Variants in ADGRB3 observed in about 807,000 individuals in gnomAD.
The protein encoded by ADGRB3 is adhesion G protein-coupled receptor B3, also known as brain-specific angiogenesis inhibitor 3.
A neutral mutation model predicts 193.4 loss-of-function variants in ADGRB3; 37 were observed. The ratio of observed to expected loss-of-function variants is 0.19; its 90% confidence interval spans 0.15 to 0.25. The LOEUF (loss-of-function observed/expected upper bound fraction) is 0.25. ADGRB3 is among the 10% of genes least tolerant of loss of function. The pLI is 1.00. For missense variants in ADGRB3, 1,637 were observed against 1,852.9 expected (o/e 0.88, Z 2.14); for synonymous variants, 690 against 644.2 (o/e 1.07, Z -1.08).
chr6:68,883,407 G>C lies in ADGRB3; in HGVS notation c.758-47152G>C, dbSNP rs150265206. Among the ~76,000 whole-genome samples the C allele has an allele frequency of 8.4e-4, 128 of 152,278 alleles. 1 individual carries two copies. Among genetic ancestry groups the C allele is most frequent in the Non-Finnish European group, 1.7e-3 (113 of 68,030 alleles). ...AAAAGCAGGCTGCAGCACCAGCTGC[G>C]GCAATCAGGTTGCGTCTCCTTCCAC... On this transcript the variant is annotated intron_variant, in intron 3 of 31. Coordinates refer to ENST00000370598, the MANE Select transcript of ADGRB3 (RefSeq NM_001704.3).
At chr6:69,382,981 C>G in intron 31 of ADGRB3, 46 bp downstream of exon 31, 2 of 1,315,922 alleles carry the variant, frequency 1.5e-6, no homozygotes, top group South Asian at 1.3e-5. Context: ...TGCATCATGT[C>G]AGATATTATT....
chr6:69,109,159 T>A (rs572954517), intron 17 of ADGRB3, among the ~76,000 whole-genome samples: 1 of 149,826 alleles, frequency 6.7e-6, no homozygotes, highest in African/African-American at 2.4e-5. Context: ...GTTATTTCTC[T>A]TAGTATAAGC....
chr6:69,029,372 T>C (rs1295088284), intron 13 of ADGRB3, among the ~76,000 whole-genome samples: 1 of 152,212 alleles, frequency 6.6e-6, no homozygotes, highest in Non-Finnish European at 1.5e-5. Flanking sequence ...ACTTATTTGT[T>C]ACTCCTTCAG....
chr6:68,875,731 TA>T (rs550773705), intron 3 of ADGRB3, among the ~76,000 whole-genome samples: 37 of 151,944 alleles, frequency 2.4e-4, no homozygotes, highest in African/African-American at 6.0e-4. Flanking sequence ...TTTAATCACA[TA>T]AAAAAAATAA....
At chr6:68,817,303 CCATGTATATATATATATA>C (rs1242855914) in intron 3 of ADGRB3, among the ~76,000 whole-genome samples, 9 of 32,726 alleles carry the variant, frequency 2.8e-4, no homozygotes, top group Admixed American at 1.0e-3. Flanking sequence ...TCCCTTTTGT[CCATGTATATATATATATA>C]TATATATATA....
At chr6:69,258,619 A>G (rs1284055370) in intron 20 of ADGRB3, among the ~76,000 whole-genome samples, 1 of 152,278 alleles carries the variant, frequency 6.6e-6, no homozygotes, top group Non-Finnish European at 1.5e-5. Context: ...AGTAGGAATT[A>G]TTCAATTCTT....
At chr6:69,253,342 A>G (rs1192642447) in intron 20 of ADGRB3, among the ~76,000 whole-genome samples, 2 of 152,094 alleles carry the variant, frequency 1.3e-5, no homozygotes, top group Admixed American at 6.6e-5. Flanking sequence ...AATTTTATAC[A>G]AAAAAGTGTG....
intron 3 of ADGRB3, among the ~76,000 whole-genome samples, chr6:68,838,246 T>C (rs2127386344): frequency 6.6e-6 from 1 of 152,264 alleles, no homozygotes; most frequent in Non-Finnish European, 1.5e-5. Context: ...AAATGAGGAA[T>C]TAATGTTAAC....
intron 3 of ADGRB3, among the ~76,000 whole-genome samples, chr6:68,656,513 T>C (rs1366477627): frequency 6.6e-6 from 1 of 151,568 alleles, no homozygotes; most frequent in Non-Finnish European, 1.5e-5. Context: ...GTTGTTGTAA[T>C]TATTATTATT....
intron 30 of ADGRB3, among the ~76,000 whole-genome samples, chr6:69,380,681 T>G (rs756439780): frequency 6.6e-6 from 1 of 151,998 alleles, no homozygotes; most frequent in Non-Finnish European, 1.5e-5. Flanking sequence ...TGGATTTATC[T>G]TAGCAAATTA....
chr6:68,920,409 T>A (rs1415340913), intron 3 of ADGRB3, among the ~76,000 whole-genome samples: 1 of 148,686 alleles, frequency 6.7e-6, no homozygotes, highest in Non-Finnish European at 1.5e-5. Context: ...TCCCAGCTAC[T>A]CCGGAGGCTG....
intron 3 of ADGRB3, among the ~76,000 whole-genome samples, chr6:68,920,512 C>CAAAA (rs5877180): frequency 7.3e-5 from 5 of 68,884 alleles, no homozygotes; most frequent in African/African-American, 1.8e-4. Flanking sequence ...GACTCTGTAT[C>CAAAA]AAAAAAAAAA....
intron 3 of ADGRB3, among the ~76,000 whole-genome samples, chr6:68,905,233 A>G (rs1030885602): frequency 6.6e-6 from 1 of 152,194 alleles, no homozygotes; most frequent in African/African-American, 2.4e-5. Context: ...TTCTATTCCT[A>G]AAGAACAATT....
At chr6:69,006,571 T>G (rs926528284) in intron 11 of ADGRB3, among the ~76,000 whole-genome samples, 18 of 151,882 alleles carry the variant, frequency 1.2e-4, no homozygotes, top group Non-Finnish European at 2.5e-4. Flanking sequence ...AGTGGCATGA[T>G]CTTGGCTCAC....
intron 3 of ADGRB3, among the ~76,000 whole-genome samples, chr6:68,725,905 G>A (rs1341949395): frequency 1.3e-5 from 2 of 151,524 alleles, no homozygotes; most frequent in African/African-American, 4.8e-5. Context: ...GAGCTCCCAA[G>A]GGATTGTTGT....
chr6:69,064,031 A>G (rs693242), intron 16 of ADGRB3, among the ~76,000 whole-genome samples: 74,961 of 151,664 alleles, frequency 0.49, 20,670 homozygotes, highest in East Asian at 0.96. Context: ...CCAAGCCCAT[A>G]TAGTTAGTGA....
At chr6:68,746,488 A>C (rs566290806) in intron 3 of ADGRB3, among the ~76,000 whole-genome samples, 1 of 152,228 alleles carries the variant, frequency 6.6e-6, no homozygotes, top group South Asian at 2.1e-4. Context: ...TTTGAAATAC[A>C]TGATACTACA....
intron 10 of ADGRB3, among the ~76,000 whole-genome samples, chr6:68,977,465 A>C (rs2150266863): frequency 6.6e-6 from 1 of 152,258 alleles, no homozygotes; most frequent in South Asian, 2.1e-4. Flanking sequence ...TTGTTGCAGA[A>C]AATTTTCACT....
intron 17 of ADGRB3, among the ~76,000 whole-genome samples, chr6:69,098,871 G>C (rs1772957541): frequency 6.6e-6 from 1 of 152,088 alleles, no homozygotes; most frequent in Non-Finnish European, 1.5e-5. Flanking sequence ...AATGTCACGA[G>C]TTGTCTTAAT....
Sources: gnomAD v4.1 joint callset for allele counts (sites outside exome capture counted in the v4.1 genomes callset) on GRCh38, gnomAD v4.1.1 for gene constraint, MANE v1.5 for transcripts, NCBI Gene and HGNC (gene_info 2026-07-23, HGNC 2026-07-21) for gene names.